The following HELZ variants were observed in gnomAD, a reference collection of about 807,000 sequenced individuals.
HELZ encodes the protein helicase with zinc finger.
In HELZ, 23 loss-of-function variants were observed where a neutral mutation model predicts 218.2. The ratio of observed to expected loss-of-function variants is 0.11; its 90% CI spans 0.08 to 0.15. The LOEUF (loss-of-function observed/expected upper bound fraction) is 0.15, where lower values mean the gene tolerates loss of function less well. HELZ is among the 10% of genes least tolerant of loss of function. HELZ has a pLI of 1.00. For synonymous variants in HELZ, 814 were observed against 829.4 expected (o/e 0.98, Z 0.32); for missense variants, 1,813 against 2,353.7 (o/e 0.77, Z 4.75).
chr17:67,134,622 G>A (rs1460924885), intron 23 of HELZ, among the ~76,000 whole-genome samples: 1 of 151,566 alleles, frequency 6.6e-6, no homozygotes, highest in Non-Finnish European at 1.5e-5. Context: ...AACTTTTTGA[G>A]GGGTCTTAAA....
intron 31 of HELZ, among the ~76,000 whole-genome samples, chr17:67,106,316 T>C (rs559648871): frequency 4.0e-5 from 6 of 148,516 alleles, no homozygotes; most frequent in Non-Finnish European, 6.0e-5. Flanking sequence ...TATTTATTTA[T>C]TTTTTTTTTT....
In HELZ at chr17:67,151,152, T is replaced by C. The variant is rs751806841; in HGVS notation, c.2250A>G (p.Ala750=). ...TCTGGGGCATCTGAAAGGTGGAATG[T>C]GCGCTTGAGATCAAACAGTACTGAT... ...VVHQYCLISS[A]HSTFQMPQKE... is the part of the protein sequence containing the mutation. The change falls in exon 18 of 33, where the codon GCA becomes GCG. Residue 750 remains alanine, a synonymous_variant. Coordinates refer to ENST00000358691, the MANE Select transcript of HELZ (RefSeq NM_014877.4). The C allele has an allele frequency of 5.0e-6, 8 of 1,613,924 alleles. No individual in the cohort carries two copies. In the East Asian group the frequency reaches 1.6e-4, roughly 31 times the overall value.
chr17:67,123,206 T>C (rs757300359), intron 25 of HELZ, 46 bp from the exon 26 acceptor site: 1 of 1,137,614 alleles, frequency 8.8e-7, no homozygotes, highest in Admixed American at 2.4e-5. Flanking sequence ...CTGTACATAG[T>C]CATCCAGAAA....
chr17:67,148,201 T>C (rs1028250779), intron 20 of HELZ, among the ~76,000 whole-genome samples: 3 of 152,088 alleles, frequency 2.0e-5, no homozygotes, highest in Non-Finnish European at 2.9e-5. Context: ...TATTTCTGGA[T>C]AGATGGTGTC....
chr17:67,112,374 C>T (rs1045344081), intron 28 of HELZ, among the ~76,000 whole-genome samples: 2 of 152,174 alleles, frequency 1.3e-5, no homozygotes, highest in Admixed American at 6.5e-5. Context: ...AAGACTCGTG[C>T]GATTGGTTTC....
At chr17:67,200,805 T>G (rs1427965087) in intron 7 of HELZ, 2 of 265,368 alleles carry the variant, frequency 7.5e-6, no homozygotes, top group Non-Finnish European at 1.4e-5. Context: ...TTTCATTTTC[T>G]AGTAGCCAGA....
chr17:67,127,555 T>C (rs1030973565), intron 24 of HELZ, among the ~76,000 whole-genome samples: 1 of 152,198 alleles, frequency 6.6e-6, no homozygotes, highest in African/African-American at 2.4e-5. Context: ...ACATTAAGAT[T>C]TACATTTTTT....
chr17:67,167,307 G>A (rs1376194768), intron 14 of HELZ, among the ~76,000 whole-genome samples, 156 bp downstream of exon 14: 1 of 152,054 alleles, frequency 6.6e-6, no homozygotes, highest in Non-Finnish European at 1.5e-5. Flanking sequence ...CTTTTCTCTG[G>A]GAGTTACTAC....
intron 21 of HELZ, among the ~76,000 whole-genome samples, chr17:67,144,689 G>A (rs571597047): frequency 1.1e-4 from 16 of 151,962 alleles, no homozygotes; most frequent in African/African-American, 3.1e-4. Context: ...TGATGTCACC[G>A]CAGGGCCACC....
At chr17:67,209,822 G>A (rs1265953229) in intron 5 of HELZ, among the ~76,000 whole-genome samples, 3 of 152,114 alleles carry the variant, frequency 2.0e-5, no homozygotes, top group African/African-American at 7.2e-5. Context: ...ATATTTCAGA[G>A]GGCCCAACCC....
chr17:67,209,122 A>G (rs1441959830), intron 5 of HELZ, among the ~76,000 whole-genome samples: 1 of 55,576 alleles, frequency 1.8e-5, no homozygotes, highest in Non-Finnish European at 6.2e-5. Flanking sequence ...TGGGGAATTA[A>G]AAAAAAAAAA....
chr17:67,136,442 T>A lies in HELZ; in HGVS notation c.2954-244A>T, dbSNP rs114404811. Among the ~76,000 whole-genome samples the A allele has an allele frequency of 2.4e-3, 371 of 152,300 alleles. 1 individual carries two copies. Among genetic ancestry groups the A allele is most frequent in the African/African-American group, 8.6e-3 (357 of 41,552 alleles). On this transcript the variant is annotated intron_variant, in intron 22 of 32. Coordinates refer to ENST00000358691, the MANE Select transcript of HELZ (RefSeq NM_014877.4). ...ACCATATGATCCAGCAATTCCATGC[T>A]TACATACATACTCAAAAGAACTGAA...
Position 67,108,562 on chromosome 17 carries a change from G to C in HELZ, c.4654C>G (p.Gln1552Glu). 6.2e-7 allele frequency: 1 copy of C among 1,614,048 alleles called. No homozygotes were observed. The highest frequency in any genetic ancestry group is 8.5e-7 in the Non-Finnish European group (1 of 1,179,974). Residue 1552 changes from glutamine (Q) to glutamate (E), a missense_variant, in exon 30 of 33, where the codon CAG becomes GAG. Gln to Glu is a conservative substitution (Grantham distance 29). Transcript: ENST00000358691. This position sits in a 1 kb window ranked among gnomAD's most constrained non-coding sequence, Gnocchi z 4.1. ...HLPQPPLGLH[Q>E]PPVRADWKLT... Reference sequence around the variant, plus strand: ...TTCCAGTCTGCCCTCACTGGCGGCTGATGTAATCCCAGGGGCGGCTGAGGA... The same window carrying C: ...TTCCAGTCTGCCCTCACTGGCGGCTCATGTAATCCCAGGGGCGGCTGAGGA...
At chr17:67,193,359 AAAAAG>A (rs1212029972) in intron 9 of HELZ, among the ~76,000 whole-genome samples, 16 of 151,578 alleles carry the variant, frequency 1.1e-4, no homozygotes, top group Non-Finnish European at 1.5e-4. Flanking sequence ...AAAAAAAAAA[AAAAAG>A]AAAAGAAAAA....
At chr17:67,166,894 G>T (rs2039162462) in intron 14 of HELZ, among the ~76,000 whole-genome samples, 1 of 152,046 alleles carries the variant, frequency 6.6e-6, no homozygotes, top group South Asian at 2.1e-4. Context: ...TGACATATTT[G>T]TAAGTTACCT....
rs1481973188 is a variant in HELZ, at chr17:67,109,597, A to G, written c.4008T>C (p.Asn1336=). The G allele has an allele frequency of 1.9e-6, 3 of 1,614,148 alleles. No individual in the cohort carries two copies. The highest frequency in any genetic ancestry group is 1.7e-5 in the Admixed American group (1 of 60,016). The change falls in exon 29 of 33, where the codon AAT becomes AAC. Residue 1336 remains asparagine (N), a synonymous_variant. Coordinates refer to ENST00000358691, the MANE Select transcript of HELZ (RefSeq NM_014877.4). The part of the protein sequence containing the change: ...YPSTKFPRKD[N]LNPRHINLPL... The stretch of plus-strand genomic sequence containing the variant: ...GAAGATTTATGTGTCTTGGGTTGAG[A>G]TTATCTTTGCGAGGAAATTTGGTAC...
At chr17:67,143,887 T>A (rs1001227491) in intron 21 of HELZ, among the ~76,000 whole-genome samples, 1 of 152,228 alleles carries the variant, frequency 6.6e-6, no homozygotes, top group African/African-American at 2.4e-5. Flanking sequence ...CTATGAGTAT[T>A]CCTTCAACTT....
chr17:67,108,420 A>G lies in HELZ; in HGVS notation c.4724+72T>C. 5 of 1,151,006 alleles carry G rather than the reference A, an allele frequency of 4.3e-6. No individual in the cohort carries two copies. In the South Asian group the frequency reaches 6.4e-5, roughly 15 times the overall value. 71.3% of individuals were successfully genotyped at this position (1,151,006 alleles called of 1,614,324 possible). On this transcript the variant is annotated intron_variant, in intron 30 of 32. Transcript: ENST00000358691. The surrounding 1 kb of genome is among the most constrained non-coding windows in gnomAD (Gnocchi z 4.1). ...AGGCAATATTCCAGCTTGAAGCTAAAAGGACTACAGTCAAAAAAGAGAACA... is the reference window on the plus strand; with the variant it reads ...AGGCAATATTCCAGCTTGAAGCTAAGAGGACTACAGTCAAAAAAGAGAACA...
intron 25 of HELZ, among the ~76,000 whole-genome samples, chr17:67,123,613 T>C (rs1187889765): frequency 1.3e-5 from 2 of 152,242 alleles, no homozygotes; most frequent in East Asian, 1.9e-4. Flanking sequence ...ATTTTTTATC[T>C]TGAAATATTT....
Sources: allele counts gnomAD v4.1 joint callset (sites outside exome capture counted in the v4.1 genomes callset), GRCh38; gene constraint gnomAD v4.1.1; non-coding constraint Gnocchi (gnomAD v3.1); transcripts MANE v1.5; gene names NCBI Gene and HGNC (gene_info 2026-07-23, HGNC 2026-07-21).